The following RCHY1 variants were observed in gnomAD, a reference collection of about 807,000 sequenced individuals.
RCHY1 encodes the protein ring finger and CHY zinc finger domain containing 1, also known as RING finger and CHY zinc finger domain-containing protein 1.
Under a neutral mutation model 41.6 loss-of-function variants are expected in RCHY1, and 21 were observed. That is an observed-to-expected ratio of 0.51 (90% CI 0.36 to 0.73). The LOEUF is 0.73. RCHY1 is among the 30% of genes least tolerant of loss of function. The probability of loss-of-function intolerance (pLI) is 0.00; values close to 1 mark genes in which losing one functional copy is unlikely to be tolerated. For missense variants in RCHY1, 265 were observed against 325.3 expected, an observed-to-expected ratio of 0.81 and a Z score of 1.43; for synonymous variants, 79 against 102.9, an observed-to-expected ratio of 0.77 and a Z score of 1.41.
chr4:75,487,640 T>A lies in RCHY1; in HGVS notation c.657+2941A>T, dbSNP rs373795131. ...AATATATATATTCATAATATATATA[T>A]TCATATATATTCATAATATATATAT... On this transcript the variant is annotated intron_variant, in intron 8 of 8. Transcript: ENST00000324439. 4.5e-3 allele frequency among the ~76,000 whole-genome samples: 174 copies of A among 38,960 alleles called. 6 individuals are homozygous for A. Among genetic ancestry groups the A allele is most frequent in the South Asian group, 9.4e-3 (13 of 1,386 alleles). The allele number at this position is 38,960 out of a possible 152,430, so 25.6% of individuals were successfully genotyped here.
chr4:75,488,001 C>CT (rs915803086), intron 8 of RCHY1, among the ~76,000 whole-genome samples: 25 of 141,092 alleles, frequency 1.8e-4, no homozygotes, highest in Admixed American at 3.0e-4. Context: ...AAAATTAAGT[C>CT]TTTTTTTTTT....
chr4:75,500,130 G>A (rs373688801), intron 3 of RCHY1, among the ~76,000 whole-genome samples: 2 of 152,170 alleles, frequency 1.3e-5, no homozygotes, highest in South Asian at 2.1e-4. Context: ...AACAGAGCAA[G>A]ACCCTTTCTC....
At position 75,508,810 on chromosome 4, in the gene RCHY1, C is replaced by T; in HGVS notation, c.326+10G>A. 2 of 1,496,592 alleles carry T rather than the reference C, an allele frequency of 1.3e-6. No individual in the cohort carries two copies. The highest frequency in any genetic ancestry group is 1.4e-5 in the African/African-American group (1 of 71,724). 92.7% of individuals were successfully genotyped at this position (1,496,592 alleles called of 1,614,324 possible). On this transcript the variant is annotated intron_variant, in intron 3 of 8. Transcript: ENST00000324439. ...GAAGCAATTAGATAAGAACACTTTA[C>T]ATACAGTACCTACAAATTCCACAGT...
At chr4:75,484,221 G>C (rs1214725110) in intron 8 of RCHY1, among the ~76,000 whole-genome samples, 1 of 152,194 alleles carries the variant, frequency 6.6e-6, no homozygotes, top group African/African-American at 2.4e-5. Flanking sequence ...GGTACCGTTA[G>C]GCCCTTTGTG....
chr4:75,493,424 T>C (rs1039808798), intron 4 of RCHY1, among the ~76,000 whole-genome samples: 2 of 151,906 alleles, frequency 1.3e-5, no homozygotes, highest in African/African-American at 4.8e-5. Flanking sequence ...GCTAAGTAAA[T>C]GATTTCAAAC....
chr4:75,487,694 T>TAATATATATTC (rs1722288141), intron 8 of RCHY1, among the ~76,000 whole-genome samples: 3 of 83,158 alleles, frequency 3.6e-5, no homozygotes, highest in African/African-American at 1.8e-4. Context: ...TATATATTCA[T>TAATATATATTC]ATATATATTC....
At chr4:75,499,848 G>A (rs367674831) in intron 3 of RCHY1, among the ~76,000 whole-genome samples, 51 of 152,178 alleles carry the variant, frequency 3.4e-4, no homozygotes, top group African/African-American at 1.2e-3. Flanking sequence ...AATAAGCCCT[G>A]GTGTTTGATA....
intron 1 of RCHY1, chr4:75,513,989 T>C: frequency 1.6e-6 from 1 of 641,538 alleles, no homozygotes; most frequent in Non-Finnish European, 2.5e-6. Flanking sequence ...AGAAGGGTTT[T>C]GCTTTAAAGG....
At chr4:75,485,537 T>C (rs547724074) in intron 8 of RCHY1, among the ~76,000 whole-genome samples, 25 of 152,346 alleles carry the variant, frequency 1.6e-4, no homozygotes, top group African/African-American at 6.0e-4. Context: ...GTCTTAACTT[T>C]TACTCACACC....
chr4:75,504,702 A>G (rs1345406116), intron 3 of RCHY1, among the ~76,000 whole-genome samples: 1 of 152,186 alleles, frequency 6.6e-6, no homozygotes, highest in African/African-American at 2.4e-5. Context: ...TACAGAGGAC[A>G]CTGACATATT....
intron 8 of RCHY1, among the ~76,000 whole-genome samples, chr4:75,484,702 A>C (rs2148708126): frequency 6.6e-6 from 1 of 152,304 alleles, no homozygotes; most frequent in Middle Eastern, 3.4e-3. Flanking sequence ...TAGGCCCCAG[A>C]AGCAGCACTT....
Position 75,481,398 on chromosome 4 carries a change from T to A in RCHY1, c.*1140A>T, listed in dbSNP as rs900226593. 6.6e-6 allele frequency: 1 copy of A among 152,210 alleles called. No homozygotes were observed. The highest frequency in any genetic ancestry group is 1.5e-5 in the Non-Finnish European group (1 of 68,036). 9.4% of individuals were successfully genotyped at this position (152,210 alleles called of 1,614,324 possible). On this transcript the variant is annotated 3_prime_UTR_variant, in exon 9 of 9. Transcript: ENST00000324439. ...CCTAATGGTAAAGCTATTACGGAGA[T>A]AACAGTGTCAAAGTCGGCTGGATCA...
At chr4:75,487,781 C>A (rs1355682677) in intron 8 of RCHY1, among the ~76,000 whole-genome samples, 2 of 92,758 alleles carry the variant, frequency 2.2e-5, no homozygotes, top group East Asian at 5.9e-4. Flanking sequence ...TATATATATT[C>A]ATAATATATA....
At chr4:75,494,583 A>G (rs1560519155) in intron 3 of RCHY1, among the ~76,000 whole-genome samples, 1 of 151,914 alleles carries the variant, frequency 6.6e-6, no homozygotes, top group Admixed American at 6.6e-5. Context: ...GCATGGATGT[A>G]TACTAATTTT....
chr4:75,506,447 A>C (rs1724317916), intron 3 of RCHY1, among the ~76,000 whole-genome samples: 1 of 152,078 alleles, frequency 6.6e-6, no homozygotes, highest in Admixed American at 6.6e-5. Flanking sequence ...CAAAGAAAAA[A>C]AAGGTAAAGA....
chr4:75,495,223 T>G (rs1251356090), intron 3 of RCHY1, among the ~76,000 whole-genome samples: 2 of 152,048 alleles, frequency 1.3e-5, no homozygotes, highest in African/African-American at 4.8e-5. Flanking sequence ...TTTTCCTGTA[T>G]AGCTTATGCT....
intron 3 of RCHY1, among the ~76,000 whole-genome samples, chr4:75,494,771 G>C (rs1723034328): frequency 7.9e-6 from 1 of 125,994 alleles, no homozygotes; most frequent in Non-Finnish European, 1.7e-5. Flanking sequence ...CTGCCAAACT[G>C]ACCTCCAAAT....
intron 1 of RCHY1, among the ~76,000 whole-genome samples, chr4:75,512,339 C>T (rs1724973048): frequency 1.3e-5 from 2 of 152,176 alleles, no homozygotes; most frequent in Non-Finnish European, 2.9e-5. Flanking sequence ...AACATACTTC[C>T]TGCTGACAGG....
chr4:75,488,909 T>C (rs1045093205), intron 8 of RCHY1, among the ~76,000 whole-genome samples: 4 of 152,060 alleles, frequency 2.6e-5, no homozygotes, highest in African/African-American at 9.7e-5. Flanking sequence ...ACACCGACTC[T>C]ACTAAAAATA....
Sources: gnomAD v4.1 joint callset for allele counts (sites outside exome capture counted in the v4.1 genomes callset) on GRCh38, gnomAD v4.1.1 for gene constraint, MANE v1.5 for transcripts, NCBI Gene and HGNC (gene_info 2026-07-23, HGNC 2026-07-21) for gene names.